The following R3HCC1L variants were observed in gnomAD, a reference collection of about 807,000 sequenced individuals.
R3HCC1L encodes the protein R3H domain and coiled-coil containing 1 like, also known as coiled-coil domain-containing protein R3HCC1L.
R3HCC1L carries 51 observed loss-of-function variants against 59.9 expected under a neutral mutation model. The observed-to-expected ratio is 0.85, with a 90% CI of 0.68 to 1.07. The LOEUF is 1.07. Among genes scored for constraint, R3HCC1L ranks in the 50% least tolerant of loss-of-function variants. R3HCC1L has a pLI of 0.00. For synonymous variants in R3HCC1L, 322 were observed against 315.2 expected, an observed-to-expected ratio of 1.02 and a Z score of -0.23; for missense variants, 965 against 933.0, an observed-to-expected ratio of 1.03 and a Z score of -0.45.
At chr10:98,195,509 C>T (rs957985962) in intron 4 of R3HCC1L, among the ~76,000 whole-genome samples, 8 of 149,478 alleles carry the variant, frequency 5.4e-5, no homozygotes, top group Non-Finnish European at 1.2e-4. Flanking sequence ...CAAAATGTTA[C>T]AGTGGTTTTC....
intron 9 of R3HCC1L, among the ~76,000 whole-genome samples, chr10:98,242,360 G>T (rs1172720982): frequency 6.6e-6 from 1 of 152,118 alleles, no homozygotes; most frequent in Non-Finnish European, 1.5e-5. Context: ...AAAAAAAAAG[G>T]TTCAGAATTC....
chr10:98,144,540 C>A (rs1461582147), intron 1 of R3HCC1L, among the ~76,000 whole-genome samples: 1 of 152,088 alleles, frequency 6.6e-6, no homozygotes. Flanking sequence ...GATTTGTCTT[C>A]GTTTTGGATG....
At chr10:98,164,027 G>T (rs1217065242) in intron 4 of R3HCC1L, among the ~76,000 whole-genome samples, 1 of 151,946 alleles carries the variant, frequency 6.6e-6, no homozygotes, top group Non-Finnish European at 1.5e-5. Context: ...ATGATCTTTT[G>T]AGTATATTCC....
At chr10:98,182,640 A>G (rs937952818) in intron 4 of R3HCC1L, among the ~76,000 whole-genome samples, 2 of 152,174 alleles carry the variant, frequency 1.3e-5, no homozygotes, top group African/African-American at 4.8e-5. Flanking sequence ...CCCTGCCCCC[A>G]GAGGTGGAGT....
chr10:98,166,389 A>G (rs1343372913), intron 4 of R3HCC1L, among the ~76,000 whole-genome samples: 2 of 152,220 alleles, frequency 1.3e-5, no homozygotes, highest in Admixed American at 6.5e-5. Flanking sequence ...TTGTTATAGC[A>G]GCATGAACTA....
chr10:98,231,558 C>G lies in R3HCC1L; in HGVS notation c.1832C>G (p.Ser611Cys). The G allele has an allele frequency of 6.2e-7, 1 of 1,613,212 alleles. No individual in the cohort carries two copies. The highest frequency in any genetic ancestry group is 1.1e-5 in the South Asian group (1 of 90,926). The change falls in exon 6 of 10, where the codon TCT (serine) becomes TGT (cysteine). Residue 611 changes from serine to cysteine, a missense_variant. By Grantham distance (112) the Ser-to-Cys change is moderately radical. Coordinates refer to ENST00000298999, the MANE Select transcript of R3HCC1L (RefSeq NM_001351015.2). ...KSRESIQEPRSDYYNHEVPDI... is the reference protein window; with the variant it reads ...KSRESIQEPRCDYYNHEVPDI... ...AGAGAGAGCATCCAGGAACCTAGAT[C>G]TGATTACTACAATCATGAAGTTCCT...
At chr10:98,193,973 G>C (rs1368277497) in intron 4 of R3HCC1L, among the ~76,000 whole-genome samples, 1 of 152,066 alleles carries the variant, frequency 6.6e-6, no homozygotes, top group Non-Finnish European at 1.5e-5. Flanking sequence ...TGCAGAAACA[G>C]ATAAAACCAT....
At chr10:98,178,398 C>G (rs1181289907) in intron 4 of R3HCC1L, among the ~76,000 whole-genome samples, 1 of 151,918 alleles carries the variant, frequency 6.6e-6, no homozygotes, top group Non-Finnish European at 1.5e-5. Context: ...ATTTCTGAGG[C>G]CTCTGTTCTG....
intron 4 of R3HCC1L, among the ~76,000 whole-genome samples, chr10:98,182,047 TTC>T (rs1849688930): frequency 6.6e-6 from 1 of 152,222 alleles, no homozygotes; most frequent in East Asian, 1.9e-4. Flanking sequence ...TCCAGCTTTG[TTC>T]TGTTGCTGGC....
chr10:98,211,360 AAAT>A, intron 5 of R3HCC1L: 1 of 1,531,128 alleles, frequency 6.5e-7, no homozygotes, highest in Non-Finnish European at 8.7e-7. Flanking sequence ...TAATACACTT[AAAT>A]CTATATCAGA....
chr10:98,243,104 G>A (rs148231874), intron 9 of R3HCC1L, among the ~76,000 whole-genome samples: 2 of 152,304 alleles, frequency 1.3e-5, no homozygotes, highest in African/African-American at 4.8e-5. Context: ...TGCCCTTAAA[G>A]TACAGTCAAA....
chr10:98,180,598 G>A (rs1308864430), intron 4 of R3HCC1L, among the ~76,000 whole-genome samples: 1 of 152,172 alleles, frequency 6.6e-6, no homozygotes, highest in Non-Finnish European at 1.5e-5. Flanking sequence ...GCAGGGCTGA[G>A]TTCAAGTCCT....
chr10:98,154,935 A>G (rs944626473), intron 1 of R3HCC1L, among the ~76,000 whole-genome samples: 34 of 152,358 alleles, frequency 2.2e-4, no homozygotes, highest in Admixed American at 6.5e-5. Context: ...ATCCGTATAT[A>G]TACGTATGTA....
At chr10:98,159,225 C>T (rs528048405) in intron 2 of R3HCC1L, among the ~76,000 whole-genome samples, 1 of 152,106 alleles carries the variant, frequency 6.6e-6, no homozygotes, top group Admixed American at 6.5e-5. Context: ...AGGAATACCG[C>T]AAAGTATTGT....
At chr10:98,174,506 G>C in intron 4 of R3HCC1L, 1 of 830,056 alleles carries the variant, frequency 1.2e-6, no homozygotes, top group Non-Finnish European at 1.5e-6. Flanking sequence ...TAGAGTGTGA[G>C]ATGGCATTCA....
chr10:98,224,268 T>C (rs543845278), intron 5 of R3HCC1L, among the ~76,000 whole-genome samples: 2 of 152,232 alleles, frequency 1.3e-5, no homozygotes, highest in Admixed American at 1.3e-4. Flanking sequence ...CATATTTTTT[T>C]TTTGTCTGTG....
chr10:98,205,152 C>T lies in R3HCC1L; in HGVS notation c.-14-2949C>T, dbSNP rs533152712. ...ATTACATTTTAAAAGCTAATAAATA[C>T]TTCAAACTCATCACTTCCTAATTAT... On this transcript the variant is annotated intron_variant, in intron 4 of 9. Transcript: ENST00000298999. Among the ~76,000 whole-genome samples the T allele has an allele frequency of 1.4e-4, 22 of 152,292 alleles. No individual in the cohort carries two copies. The East Asian group carries it at 4.0e-3, about 28-fold the overall frequency.
chr10:98,175,031 T>C (rs1590554816), intron 4 of R3HCC1L, among the ~76,000 whole-genome samples: 2 of 152,120 alleles, frequency 1.3e-5, no homozygotes, highest in East Asian at 1.9e-4. Context: ...GAAGAGATGA[T>C]AGAGTTGACA....
chr10:98,224,289 G>A (rs1247497626), intron 5 of R3HCC1L, among the ~76,000 whole-genome samples: 1 of 151,956 alleles, frequency 6.6e-6, no homozygotes, highest in Non-Finnish European at 1.5e-5. Flanking sequence ...GGGAATAATT[G>A]GCATGTGACT....
Sources: allele counts gnomAD v4.1 joint callset (sites outside exome capture counted in the v4.1 genomes callset), GRCh38; gene constraint gnomAD v4.1.1; transcripts MANE v1.5; gene names NCBI Gene and HGNC (gene_info 2026-07-23, HGNC 2026-07-21).